TNRC18: variants seen among roughly 807,000 people sequenced by gnomAD.
TNRC18 encodes the protein trinucleotide repeat containing 18.
Under a neutral mutation model 226.7 loss-of-function variants are expected in TNRC18, and 69 were observed. The observed-to-expected ratio is 0.30, with a 90% confidence interval of 0.25 to 0.37. The LOEUF (loss-of-function observed/expected upper bound fraction) is 0.37, where lower values mean the gene tolerates loss of function less well. Ranked by LOEUF, TNRC18 falls within the 10% of genes least tolerant of loss-of-function variation. TNRC18 has a pLI of 1.00. For synonymous variants in TNRC18, 2,449 were observed against 1,927.6 expected (o/e 1.27, Z -7.09); for missense variants, 4,754 against 4,256.6 (o/e 1.12, Z -3.25).
At chr7:5,362,144 G>A (rs1387224780) in intron 12 of TNRC18, 111 bp from the exon 13 acceptor site, 6 of 1,345,660 alleles carry the variant, frequency 4.5e-6, no homozygotes, top group African/African-American at 2.9e-5. Flanking sequence ...TGGGAGCTGG[G>A]GCTCGAGTCC....
intron 14 of TNRC18, among the ~76,000 whole-genome samples, chr7:5,360,853 C>T (rs1050284928): frequency 2.0e-5 from 3 of 152,174 alleles, no homozygotes; most frequent in African/African-American, 4.8e-5. Flanking sequence ...GGCCTTCCCA[C>T]TGCCTCTCCT....
chr7:5,391,736 C>T (rs2128199148), intron 3 of TNRC18, among the ~76,000 whole-genome samples: 1 of 151,030 alleles, frequency 6.6e-6, no homozygotes, highest in Middle Eastern at 3.4e-3. Flanking sequence ...GTGGCTCACA[C>T]CTTTAATCCC....
Position 5,309,376 on chromosome 7 carries a change from G to C in TNRC18, c.8389-8C>G. 4.4e-6 allele frequency: 7 copies of C among 1,603,668 alleles called. No homozygotes were observed. Among genetic ancestry groups the C allele is most frequent in the African/African-American group, 4.0e-5 (3 of 74,884 alleles). The stretch of plus-strand genomic sequence containing the variant: ...GCCCTTCATGCCACGCCGCTGCAAG[G>C]ACACGTGTGTCACGGCACAGGCCCT... On this transcript the variant is annotated splice_region_variant and splice_polypyrimidine_tract_variant and intron_variant, in intron 27 of 29. Coordinates refer to ENST00000430969, the MANE Select transcript of TNRC18 (RefSeq NM_001080495.3). The surrounding 1 kb of genome is among the most constrained non-coding windows in gnomAD (Gnocchi z 5.7).
In TNRC18 at chr7:5,357,016, C is replaced by T; in HGVS notation, c.5094G>A (p.Arg1698=). 6.4e-7 allele frequency: 1 copy of T among 1,552,298 alleles called. No homozygotes were observed. Residue 1698 remains arginine, a synonymous_variant, in exon 16 of 30, where the codon AGG becomes AGA. Transcript: ENST00000430969. ...CCTCCATCTTCCTGGTTTTGGCTGC[C>T]CTTTTGTGTTTACCTTCTCTGGAGG... The part of the protein sequence containing the change: ...LKSSREGKHK[R]AAKTRKMEVG...
chr7:5,309,379 A>G lies in TNRC18; in HGVS notation c.8389-11T>C, dbSNP rs745892360. On this transcript the variant is annotated splice_polypyrimidine_tract_variant and intron_variant, in intron 27 of 29. Transcript: ENST00000430969. This position sits in a 1 kb window ranked among gnomAD's most constrained non-coding sequence, Gnocchi z 5.7. ...CTTCATGCCACGCCGCTGCAAGGACACGTGTGTCACGGCACAGGCCCTGGC... is the reference window on the plus strand; with the variant it reads ...CTTCATGCCACGCCGCTGCAAGGACGCGTGTGTCACGGCACAGGCCCTGGC... 1 of 1,598,180 alleles carries G rather than the reference A, an allele frequency of 6.3e-7. No individual in the cohort carries two copies. Among genetic ancestry groups the G allele is most frequent in the South Asian group, 1.1e-5 (1 of 88,794 alleles).
rs541066805 is a variant in TNRC18, at chr7:5,371,210, G to A, written c.3384C>T (p.Pro1128=). The stretch of plus-strand genomic sequence containing the variant: ...GGGACAAGCGGATGGGCTTGTCTTC[G>A]GGTGAGAGTGCCAGGCGCTCGGGCC... ...ADGPERLALS[P]EDKPIRLSPS... Residue 1128 remains proline, a synonymous_variant, in exon 11 of 30, where the codon CCC becomes CCT. Transcript: ENST00000430969. 1.0e-4 allele frequency: 163 copies of A among 1,605,378 alleles called. 1 individual carries two copies. The South Asian group carries it at 1.4e-3, about 13-fold the overall frequency.
At position 5,324,392 on chromosome 7, in the gene TNRC18, C is replaced by T. The variant is rs190832638; in HGVS notation, c.6301-37G>A. The T allele has an allele frequency of 2.6e-4, 422 of 1,609,248 alleles. No homozygotes were observed. The African/African-American group carries it at 5.1e-3, about 19-fold the overall frequency. ...ACATGGCCGACAAATGACTTAGGAC[C>T]TGAACAGGGGTCCTGCCGGGTTGGG... On this transcript the variant is annotated intron_variant, in intron 20 of 29. Transcript: ENST00000430969. The surrounding 1 kb of genome is among the most constrained non-coding windows in gnomAD (Gnocchi z 4.8).
In TNRC18 at chr7:5,377,914, A is replaced by G; in HGVS notation, c.2255+8T>C. Reference sequence around the variant, plus strand: ...CCCTAGACCCTCAGGATCCCCCGACACCCTCACCTGAGCAGCTTCTCCTGA... The same window carrying G: ...CCCTAGACCCTCAGGATCCCCCGACGCCCTCACCTGAGCAGCTTCTCCTGA... On this transcript the variant is annotated splice_region_variant and intron_variant, in intron 6 of 29. Coordinates refer to ENST00000430969, the MANE Select transcript of TNRC18 (RefSeq NM_001080495.3). This position sits in a 1 kb window ranked among gnomAD's most constrained non-coding sequence, Gnocchi z 5.8. 3.1e-6 allele frequency: 5 copies of G among 1,610,406 alleles called. No homozygotes were observed. In the South Asian group the frequency reaches 5.5e-5, roughly 18 times the overall value.
intron 1 of TNRC18, 53 bp from the exon 2 acceptor site, chr7:5,421,542 AG>A (rs916996657): frequency 1.2e-4 from 18 of 152,086 alleles, no homozygotes; most frequent in African/African-American, 3.9e-4. Flanking sequence ...GAAAGAAAAA[AG>A]GGAAAAAAAA....
intron 22 of TNRC18, 85 bp downstream of exon 22, chr7:5,320,985 AAGG>A: frequency 2.1e-6 from 2 of 961,156 alleles, no homozygotes; most frequent in Non-Finnish European, 3.1e-6. Flanking sequence ...ACAGCCCAGA[AAGG>A]AGAAGCAGCC....
At chr7:5,419,404 T>TGG (rs879869995) in intron 2 of TNRC18, among the ~76,000 whole-genome samples, 6 of 151,628 alleles carry the variant, frequency 4.0e-5, no homozygotes, top group Admixed American at 6.6e-5. Context: ...TTCCCAGGCT[T>TGG]GGGGGGGGCC....
intron 2 of TNRC18, among the ~76,000 whole-genome samples, chr7:5,414,697 C>A (rs557874879): frequency 1.3e-5 from 2 of 152,376 alleles, no homozygotes; most frequent in African/African-American, 4.8e-5. Context: ...CAGGCGTGAG[C>A]CACTGCGCCC....
chr7:5,378,779 C>T (rs1779186567), intron 5 of TNRC18, among the ~76,000 whole-genome samples: 1 of 151,926 alleles, frequency 6.6e-6, no homozygotes, highest in Non-Finnish European at 1.5e-5. Flanking sequence ...GAGGACAGGG[C>T]AGAGTCCAAA....
chr7:5,308,065 GCCGCCCTCGGGGCACAGGTGGC>G lies in TNRC18; in HGVS notation c.*19_*40del. 6.6e-7 allele frequency: 1 copy of G among 1,525,628 alleles called. No individual in the cohort carries two copies. Among genetic ancestry groups the G allele is most frequent in the African/African-American group, 1.4e-5 (1 of 72,494 alleles). 94.5% of individuals were successfully genotyped at this position (1,525,628 alleles called of 1,614,324 possible). A position where few individuals can be genotyped will look rare whatever the true frequency, so the allele number is the denominator to read the frequency against. Reference sequence around the variant, plus strand: ...TGGCAGTGATGGAGATGGGTCCCTGGCCGCCCTCGGGGCACAGGTGGCCCGCAGGGCCCGGCGGGCTCAGCAG... The same window carrying G: ...TGGCAGTGATGGAGATGGGTCCCTGGCCGCAGGGCCCGGCGGGCTCAGCAG... On this transcript the variant is annotated 3_prime_UTR_variant, in exon 30 of 30. Coordinates refer to ENST00000430969, the MANE Select transcript of TNRC18 (RefSeq NM_001080495.3).
chr7:5,370,708 A>G lies in TNRC18; in HGVS notation c.3886T>C (p.Cys1296Arg). ...ESQPTLEMSD[C>R]DVPAGEGQCP... ...TGTCCCTCCCCGGCGGGCACGTCAC[A>G]GTCTGACATTTCTAGGGTGGGCTGG... The change falls in exon 11 of 30, where the codon TGT becomes CGT. Residue 1296 changes from cysteine (C) to arginine (R), a missense_variant. Coordinates refer to ENST00000430969, the MANE Select transcript of TNRC18 (RefSeq NM_001080495.3). 6.2e-7 allele frequency: 1 copy of G among 1,610,094 alleles called. No homozygotes were observed. The highest frequency in any genetic ancestry group is 8.5e-7 in the Non-Finnish European group (1 of 1,178,734).
chr7:5,344,011 G>A lies in TNRC18; in HGVS notation c.5719+1551C>T, dbSNP rs191599289. On this transcript the variant is annotated intron_variant, in intron 18 of 29. Transcript: ENST00000430969. The stretch of plus-strand genomic sequence containing the variant: ...CTAGCCAGACTGGCCAAGAAACAGA[G>A]TAAGAAGAAACAATCTGTATCAGCA... Among the ~76,000 whole-genome samples, 5 of 152,302 alleles carry A rather than the reference G, an allele frequency of 3.3e-5. No individual in the cohort carries two copies. In the East Asian group the frequency reaches 9.6e-4, roughly 29 times the overall value.
chr7:5,336,669 G>A lies in TNRC18; in HGVS notation c.5720-3620C>T, dbSNP rs534951801. ...AGGTGGGAGGATCACCTGAGCCCAGGAGGTTGAGGCTTCAGTGAGCCATGA... is the reference window on the plus strand; with the variant it reads ...AGGTGGGAGGATCACCTGAGCCCAGAAGGTTGAGGCTTCAGTGAGCCATGA... On this transcript the variant is annotated intron_variant, in intron 18 of 29. Transcript: ENST00000430969. Among the ~76,000 whole-genome samples, 7 of 152,318 alleles carry A rather than the reference G, an allele frequency of 4.6e-5. No individual in the cohort carries two copies. In the South Asian group the frequency reaches 1.4e-3, roughly 32 times the overall value.
rs533389149 is a variant in TNRC18 at position 5,361,912 on chromosome 7, C to T, written c.4517G>A (p.Arg1506His). 7.6e-6 allele frequency: 12 copies of T among 1,579,234 alleles called. No individual in the cohort carries two copies. The highest frequency in any genetic ancestry group is 7.0e-5 in the East Asian group (3 of 43,108). ...EKQRELVKLQ[R>H]RRDSEDRREE... ...ACACACTCACTCGGAGTCCCGGCGG[C>T]GCTGCAGCTTCACCAGCTCACGCTG... The change falls in exon 13 of 30, where the codon CGC becomes CAC. Residue 1506 changes from arginine to histidine, a missense_variant. Coordinates refer to ENST00000430969, the MANE Select transcript of TNRC18 (RefSeq NM_001080495.3).
chr7:5,382,100 A>G (rs2128186347), intron 5 of TNRC18, among the ~76,000 whole-genome samples: 1 of 152,352 alleles, frequency 6.6e-6, no homozygotes, highest in African/African-American at 2.4e-5. Context: ...CCATCAACCC[A>G]GGAGGCAGAT....
Sources: gnomAD v4.1 joint callset for allele counts (sites outside exome capture counted in the v4.1 genomes callset) on GRCh38, gnomAD v4.1.1 for gene constraint, Gnocchi (gnomAD v3.1) non-coding constraint, MANE v1.5 for transcripts, NCBI Gene and HGNC (gene_info 2026-07-23, HGNC 2026-07-21) for gene names.